Variants in MAGI2 observed in about 807,000 individuals in gnomAD.
MAGI2 encodes membrane-associated guanylate kinase, WW and PDZ domain-containing protein 2.
A neutral mutation model predicts 133.3 loss-of-function variants in MAGI2; 35 were observed. That is an observed-to-expected ratio of 0.26 (90% CI 0.20 to 0.35). MAGI2 has a LOEUF of 0.35. Among genes scored for constraint, MAGI2 ranks in the 10% least tolerant of loss-of-function variants. MAGI2 has a pLI of 1.00. For synonymous variants in MAGI2, 729 were observed against 710.6 expected (o/e 1.03, Z -0.41); for missense variants, 1,636 against 1,863.4 (o/e 0.88, Z 2.25).
intron 6 of MAGI2, among the ~76,000 whole-genome samples, chr7:78,415,237 A>G (rs893422215): frequency 6.6e-6 from 1 of 152,074 alleles, no homozygotes; most frequent in African/African-American, 2.4e-5. Flanking sequence ...AAATCTCAAG[A>G]CCTATAGAGT....
At chr7:78,676,963 G>A (rs562110819) in intron 2 of MAGI2, among the ~76,000 whole-genome samples, 1 of 152,138 alleles carries the variant, frequency 6.6e-6, no homozygotes. Flanking sequence ...GGATGAAAAG[G>A]CCTGTTAGGC....
intron 3 of MAGI2, among the ~76,000 whole-genome samples, chr7:78,610,250 T>C (rs1177335284): frequency 6.6e-6 from 1 of 152,214 alleles, no homozygotes; most frequent in African/African-American, 2.4e-5. Context: ...TACTGTTCTA[T>C]CAATCCAATT....
chr7:79,317,176 C>T (rs1838803995), intron 1 of MAGI2, among the ~76,000 whole-genome samples: 1 of 151,846 alleles, frequency 6.6e-6, no homozygotes, highest in South Asian at 2.1e-4. Flanking sequence ...GCATGTGCCA[C>T]TAATCCCGGC....
intron 21 of MAGI2, among the ~76,000 whole-genome samples, chr7:78,038,347 C>T (rs1291153275): frequency 6.6e-6 from 1 of 152,140 alleles, no homozygotes; most frequent in Non-Finnish European, 1.5e-5. Flanking sequence ...ATATATGTAA[C>T]TAGATCAGGA....
At chr7:78,819,446 C>T (rs887472689) in intron 2 of MAGI2, among the ~76,000 whole-genome samples, 9 of 152,120 alleles carry the variant, frequency 5.9e-5, no homozygotes, top group Admixed American at 5.2e-4. Context: ...CTAGGTTTAT[C>T]GGGAAATATC....
chr7:78,658,814 A>G (rs1812590697), intron 2 of MAGI2, among the ~76,000 whole-genome samples: 1 of 152,234 alleles, frequency 6.6e-6, no homozygotes, highest in South Asian at 2.1e-4. Flanking sequence ...GTGACAATGC[A>G]AAATTGTGGA....
chr7:78,757,305 T>TC (rs1824051245), intron 2 of MAGI2, among the ~76,000 whole-genome samples: 1 of 145,292 alleles, frequency 6.9e-6, no homozygotes, highest in Admixed American at 6.9e-5. Flanking sequence ...TTCTCCCTCC[T>TC]TCTCTCTCTC....
intron 4 of MAGI2, among the ~76,000 whole-genome samples, chr7:78,511,342 T>C (rs1263172529): frequency 1.3e-5 from 2 of 151,938 alleles, no homozygotes; most frequent in African/African-American, 4.8e-5. Context: ...CATTTCAGTG[T>C]CTTCAGAAAG....
At chr7:78,397,452 T>G (rs1796459250) in intron 6 of MAGI2, among the ~76,000 whole-genome samples, 1 of 151,908 alleles carries the variant, frequency 6.6e-6, no homozygotes, top group Non-Finnish European at 1.5e-5. Context: ...GTATTGCTTG[T>G]AATGCCTCAT....
chr7:78,694,495 C>A (rs571630973), intron 2 of MAGI2, among the ~76,000 whole-genome samples: 1 of 152,228 alleles, frequency 6.6e-6, no homozygotes, highest in Non-Finnish European at 1.5e-5. Flanking sequence ...ATCAGAGAAA[C>A]TGAGTTAGCA....
intron 9 of MAGI2, among the ~76,000 whole-genome samples, chr7:78,297,356 T>C (rs972693309): frequency 1.3e-5 from 2 of 151,838 alleles, no homozygotes; most frequent in African/African-American, 2.4e-5. Context: ...TGTGGAGAAA[T>C]AGGAACACTT....
intron 16 of MAGI2, among the ~76,000 whole-genome samples, chr7:78,146,023 A>G (rs901386941): frequency 2.0e-5 from 3 of 152,200 alleles, no homozygotes; most frequent in Admixed American, 2.0e-4. Flanking sequence ...TTTTTTGGCT[A>G]TAAATAAGTT....
chr7:78,097,709 G>A (rs958191601), intron 20 of MAGI2, among the ~76,000 whole-genome samples: 4 of 152,012 alleles, frequency 2.6e-5, no homozygotes, highest in Non-Finnish European at 5.9e-5. Context: ...GATAACTATT[G>A]GGTACTGGGC....
At chr7:78,259,009 T>C (rs749399534) in intron 9 of MAGI2, among the ~76,000 whole-genome samples, 1 of 152,178 alleles carries the variant, frequency 6.6e-6, no homozygotes, top group Non-Finnish European at 1.5e-5. Context: ...GTGTTGAAAT[T>C]TTCATTGCTT....
At chr7:78,255,503 T>C (rs1792874682) in intron 10 of MAGI2, 4 of 308,932 alleles carry the variant, frequency 1.3e-5, no homozygotes, top group South Asian at 3.4e-5. Context: ...TTGGGCTTAG[T>C]AGGGGTTGAA....
At chr7:78,666,777 A>G (rs936474240) in intron 2 of MAGI2, among the ~76,000 whole-genome samples, 1 of 152,228 alleles carries the variant, frequency 6.6e-6, no homozygotes, top group African/African-American at 2.4e-5. Context: ...TTTTCAAAGA[A>G]AGAAACAGAT....
Position 78,019,292 on chromosome 7 carries a change from C to G in MAGI2, c.*23G>C, listed in dbSNP as rs756425152. 1 of 1,572,554 alleles carries G rather than the reference C, an allele frequency of 6.4e-7. No individual in the cohort carries two copies. Among genetic ancestry groups the G allele is most frequent in the East Asian group, 2.4e-5 (1 of 42,384 alleles). On this transcript the variant is annotated 3_prime_UTR_variant, in exon 22 of 22. Transcript: ENST00000354212. Reference sequence around the variant, plus strand: ...GAAGAACTGCCTGCGCCGGGGCGGGCGGGTTGGCCGTGGCCGCGCGGCTCA... The same window carrying G: ...GAAGAACTGCCTGCGCCGGGGCGGGGGGGTTGGCCGTGGCCGCGCGGCTCA...
chr7:78,686,643 C>A lies in MAGI2; in HGVS notation c.419-59404G>T, dbSNP rs573182442. Among the ~76,000 whole-genome samples the A allele has an allele frequency of 3.3e-5, 5 of 151,664 alleles. No homozygotes were observed. In the South Asian group the frequency reaches 8.3e-4, roughly 25 times the overall value. ...ACCAGGTGTATTTATGTCTCTTTAG[C>A]CATCATAATGTGATCCGAGGCTATG... On this transcript the variant is annotated intron_variant, in intron 2 of 21. Transcript: ENST00000354212.
At chr7:79,145,033 T>G (rs1464466323) in intron 1 of MAGI2, among the ~76,000 whole-genome samples, 1 of 152,128 alleles carries the variant, frequency 6.6e-6, no homozygotes, top group African/African-American at 2.4e-5. Flanking sequence ...TTTGGAAATG[T>G]TTTTCTAGGG....
Sources: gnomAD v4.1 joint callset for allele counts (sites outside exome capture counted in the v4.1 genomes callset) on GRCh38, gnomAD v4.1.1 for gene constraint, MANE v1.5 for transcripts, NCBI Gene and HGNC (gene_info 2026-07-23, HGNC 2026-07-21) for gene names.